YPEL2: variants seen among roughly 807,000 people sequenced by gnomAD.
YPEL2 encodes the protein yippee like 2.
A neutral mutation model predicts 19.1 loss-of-function variants in YPEL2; 2 were observed. The observed-to-expected ratio is 0.10, with a 90% CI of 0.04 to 0.33. YPEL2 has a LOEUF of 0.33. Ranked by LOEUF, YPEL2 falls within the 10% of genes least tolerant of loss-of-function variation. YPEL2 has a pLI of 1.00. For missense variants in YPEL2, 66 were observed against 140.7 expected (o/e 0.47, Z 2.68); for synonymous variants, 52 against 50.0 (o/e 1.04, Z -0.17).
At chr17:59,339,699 C>T (rs986410171) in intron 1 of YPEL2, among the ~76,000 whole-genome samples, 1 of 152,026 alleles carries the variant, frequency 6.6e-6, no homozygotes, top group Admixed American at 6.6e-5. Context: ...TTGCAAGGGA[C>T]GGGGGATTTG....
chr17:59,339,252 T>C (rs185984600), intron 1 of YPEL2, among the ~76,000 whole-genome samples: 1 of 152,294 alleles, frequency 6.6e-6, no homozygotes, highest in East Asian at 1.9e-4. Flanking sequence ...ACGTTAATGG[T>C]ATGAACGTGC....
In YPEL2 at chr17:59,353,572, C is replaced by A; in HGVS notation, c.117+46C>A. On this transcript the variant is annotated intron_variant, in intron 2 of 4. Coordinates refer to ENST00000312655, the MANE Select transcript of YPEL2 (RefSeq NM_001005404.4). This position sits in a 1 kb window ranked among gnomAD's most constrained non-coding sequence, Gnocchi z 4.8. The stretch of plus-strand genomic sequence containing the variant: ...TTCCTTGCCTACCCCGGGGAGGGCG[C>A]TTAGTGCTCCTGAAGTTGCAGAGGT... 7.3e-7 allele frequency: 1 copy of A among 1,377,908 alleles called. No homozygotes were observed. The highest frequency in any genetic ancestry group is 1.0e-6 in the Non-Finnish European group (1 of 965,360). The allele number at this position is 1,377,908 out of a possible 1,614,324, so 85.4% of individuals were successfully genotyped here.
intron 4 of YPEL2, 102 bp from the exon 5 acceptor site, chr17:59,396,999 C>T: frequency 1.2e-6 from 1 of 805,028 alleles, no homozygotes; most frequent in Non-Finnish European, 1.9e-6. Flanking sequence ...TCATTGCACT[C>T]CAGCCTGGGT....
At chr17:59,362,290 T>C (rs2047845126) in intron 2 of YPEL2, among the ~76,000 whole-genome samples, 3 of 151,906 alleles carry the variant, frequency 2.0e-5, no homozygotes, top group Admixed American at 1.3e-4. Context: ...TAATTGTGTT[T>C]ATCATGTGTA....
At position 59,399,357 on chromosome 17, in the gene YPEL2, A is replaced by G. The variant is rs556948066; in HGVS notation, c.*2167A>G. On this transcript the variant is annotated 3_prime_UTR_variant, in exon 5 of 5. Transcript: ENST00000312655. ...TTCCCATAAGAAAATGGGGTTAAAC[A>G]TGGGGTAGGTATTTTGTCTTTCAAA... The G allele has an allele frequency of 1.3e-5, 2 of 152,278 alleles. No homozygotes were observed. Among genetic ancestry groups the G allele is most frequent in the Admixed American group, 6.5e-5 (1 of 15,288 alleles). The allele number at this position is 152,278 out of a possible 1,614,324, so 9.4% of individuals were successfully genotyped here.
Position 59,398,322 on chromosome 17 carries a change from G to C in YPEL2, c.*1132G>C, listed in dbSNP as rs1012633303. On this transcript the variant is annotated 3_prime_UTR_variant, in exon 5 of 5. Transcript: ENST00000312655. ...GTCAATTTCTTGTTCTTAGAGTTTC[G>C]GGTGTTTTTCTCCAGTCTTGTTACT... 6.6e-6 allele frequency: 1 copy of C among 151,956 alleles called. No individual in the cohort carries two copies. The highest frequency in any genetic ancestry group is 6.6e-5 in the Admixed American group (1 of 15,248). The allele number at this position is 151,956 out of a possible 1,614,324, so 9.4% of individuals were successfully genotyped here. A position where few individuals can be genotyped will look rare whatever the true frequency, so the allele number is the denominator to read the frequency against.
At chr17:59,367,503 C>A (rs2147946801) in intron 2 of YPEL2, among the ~76,000 whole-genome samples, 1 of 152,300 alleles carries the variant, frequency 6.6e-6, no homozygotes, top group African/African-American at 2.4e-5. Flanking sequence ...AACAAATGAG[C>A]ATGGATGTTT....
intron 2 of YPEL2, among the ~76,000 whole-genome samples, chr17:59,364,475 C>A (rs995658209): frequency 2.6e-5 from 4 of 152,162 alleles, no homozygotes; most frequent in Non-Finnish European, 2.9e-5. Flanking sequence ...CTACTTCCCC[C>A]CTGCGTCTTC....
chr17:59,337,883 C>G (rs2047707730), intron 1 of YPEL2, among the ~76,000 whole-genome samples: 1 of 152,206 alleles, frequency 6.6e-6, no homozygotes, highest in Non-Finnish European at 1.5e-5. Flanking sequence ...ATAAACCATA[C>G]CTTCTGTTTC....
In YPEL2 at chr17:59,353,665, A is replaced by G. The variant is rs780932988; in HGVS notation, c.117+139A>G. ...GAGGGCTGACCCACGTGACCGTCTCACTCAACTGAGAAAAACTCTGAGTTG... is the reference window on the plus strand; with the variant it reads ...GAGGGCTGACCCACGTGACCGTCTCGCTCAACTGAGAAAAACTCTGAGTTG... On this transcript the variant is annotated intron_variant, in intron 2 of 4. Coordinates refer to ENST00000312655, the MANE Select transcript of YPEL2 (RefSeq NM_001005404.4). The surrounding 1 kb of genome is among the most constrained non-coding windows in gnomAD (Gnocchi z 4.8). 3 of 734,820 alleles carry G rather than the reference A, an allele frequency of 4.1e-6. No homozygotes were observed. Among genetic ancestry groups the G allele is most frequent in the East Asian group, 2.6e-5 (1 of 38,190 alleles). The allele number at this position is 734,820 out of a possible 1,614,324, so 45.5% of individuals were successfully genotyped here.
intron 4 of YPEL2, among the ~76,000 whole-genome samples, chr17:59,394,230 G>A (rs1383231434): frequency 1.3e-5 from 2 of 152,054 alleles, no homozygotes; most frequent in Non-Finnish European, 1.5e-5. Context: ...TGGCTGCCGG[G>A]CGGAGACACT....
chr17:59,334,571 A>ACACACAC (rs1555568490), intron 1 of YPEL2, among the ~76,000 whole-genome samples: 2 of 145,122 alleles, frequency 1.4e-5, no homozygotes, highest in African/African-American at 5.1e-5. Flanking sequence ...TTCAGGCACA[A>ACACACAC]ACACACACAC....
intron 4 of YPEL2, among the ~76,000 whole-genome samples, chr17:59,394,117 G>A (rs928800729): frequency 6.6e-6 from 1 of 150,808 alleles, no homozygotes; most frequent in Non-Finnish European, 1.5e-5. Flanking sequence ...TCACCTCCCG[G>A]ACGCGGCAGC....
At chr17:59,376,532 T>C (rs902223564) in intron 2 of YPEL2, among the ~76,000 whole-genome samples, 6 of 152,172 alleles carry the variant, frequency 3.9e-5, no homozygotes, top group African/African-American at 7.2e-5. Context: ...AGTTTGACCT[T>C]AGGCATATTT....
rs79606300 is a variant in YPEL2 at position 59,342,066 on chromosome 17, G to A, written c.-196+10242G>A. 8.9e-4 allele frequency among the ~76,000 whole-genome samples: 135 copies of A among 152,310 alleles called. 3 individuals are homozygous for A. The East Asian group carries it at 0.014, about 16-fold the overall frequency. On this transcript the variant is annotated intron_variant, in intron 1 of 4. Coordinates refer to ENST00000312655, the MANE Select transcript of YPEL2 (RefSeq NM_001005404.4). ...TTCCAAATTCCAATTGCGGAAAGGC[G>A]GGGAGCCCAGCCACAGATGTCAGAG...
intron 2 of YPEL2, among the ~76,000 whole-genome samples, chr17:59,364,174 G>A (rs531520624): frequency 2.0e-5 from 3 of 152,152 alleles, no homozygotes; most frequent in Admixed American, 2.0e-4. Context: ...GAACTTTGTG[G>A]CTGGAGGTAC....
intron 4 of YPEL2, among the ~76,000 whole-genome samples, chr17:59,392,927 G>T (rs920521199): frequency 2.6e-5 from 4 of 152,186 alleles, no homozygotes; most frequent in Non-Finnish European, 5.9e-5. Context: ...TGGGATTACA[G>T]GTGTGAGCCA....
At chr17:59,358,512 G>A (rs745818840) in intron 2 of YPEL2, among the ~76,000 whole-genome samples, 14 of 151,986 alleles carry the variant, frequency 9.2e-5, no homozygotes, top group Admixed American at 8.5e-4. Flanking sequence ...AGGAAGTACC[G>A]AGATCTGACC....
chr17:59,397,085 C>CT lies in YPEL2; in HGVS notation c.271-14dup. 2 of 1,590,928 alleles carry CT rather than the reference C, an allele frequency of 1.3e-6. No homozygotes were observed. The highest frequency in any genetic ancestry group is 1.7e-6 in the Non-Finnish European group (2 of 1,167,892). ...TTGGTCGTTCAGTATCTCTTCTCTG[C>CT]TTCTGTATTTCCTAGGAACATGCTT... is the stretch of plus-strand genomic sequence containing the variant. On this transcript the variant is annotated splice_polypyrimidine_tract_variant and intron_variant, in intron 4 of 4. Coordinates refer to ENST00000312655, the MANE Select transcript of YPEL2 (RefSeq NM_001005404.4).
Sources: gnomAD v4.1 joint callset for allele counts (sites outside exome capture counted in the v4.1 genomes callset) on GRCh38, gnomAD v4.1.1 for gene constraint, Gnocchi (gnomAD v3.1) non-coding constraint, MANE v1.5 for transcripts, NCBI Gene and HGNC (gene_info 2026-07-23, HGNC 2026-07-21) for gene names.